The following FANCC variants were observed in gnomAD, a reference collection of about 807,000 sequenced individuals.
The protein encoded by FANCC is Fanconi anemia group C protein.
In FANCC, 55 loss-of-function variants were observed where a neutral mutation model predicts 71.3. That is an observed-to-expected ratio of 0.77 (90% CI 0.62 to 0.97). The LOEUF is 0.97. FANCC is among the 50% of genes least tolerant of loss of function. The pLI is 0.00. For synonymous variants in FANCC, 275 were observed against 244.9 expected (o/e 1.12, Z -1.15); for missense variants, 678 against 670.9 (o/e 1.01, Z -0.12).
At chr9:95,197,254 T>C (rs948914902) in intron 4 of FANCC, among the ~76,000 whole-genome samples, 4 of 152,104 alleles carry the variant, frequency 2.6e-5, no homozygotes, top group Admixed American at 6.6e-5. Flanking sequence ...AAGCCAACTA[T>C]AGCCAAGTGC....
At chr9:95,183,817 C>G (rs1034640106) in intron 4 of FANCC, among the ~76,000 whole-genome samples, 2 of 152,156 alleles carry the variant, frequency 1.3e-5, no homozygotes, top group African/African-American at 4.8e-5. Context: ...GAAATTCAAC[C>G]TCAGCTGTAT....
Position 95,101,537 on chromosome 9 carries a change from G to C in FANCC, c.*170C>G. Reference sequence around the variant, plus strand: ...AGTCTGGGCTGAGGGACCTGGCTCTGCATTTTGTAAAATAGATACTAGCAG... The same window carrying C: ...AGTCTGGGCTGAGGGACCTGGCTCTCCATTTTGTAAAATAGATACTAGCAG... On this transcript the variant is annotated 3_prime_UTR_variant, in exon 15 of 15. Transcript: ENST00000289081. 3 of 815,342 alleles carry C rather than the reference G, an allele frequency of 3.7e-6. No individual in the cohort carries two copies. Among genetic ancestry groups the C allele is most frequent in the Admixed American group, 2.2e-5 (1 of 45,278 alleles). The allele number at this position is 815,342 out of a possible 1,614,324, so 50.5% of individuals were successfully genotyped here.
At chr9:95,194,566 T>G (rs1379995217) in intron 4 of FANCC, among the ~76,000 whole-genome samples, 1 of 152,214 alleles carries the variant, frequency 6.6e-6, no homozygotes, top group Non-Finnish European at 1.5e-5. Context: ...GATAGCCCAC[T>G]GTGGTTTTAT....
At chr9:95,278,829 A>G (rs2136251981) in intron 1 of FANCC, among the ~76,000 whole-genome samples, 1 of 62,032 alleles carries the variant, frequency 1.6e-5, no homozygotes, top group African/African-American at 6.0e-5. Flanking sequence ...AGCCACTAAA[A>G]AAAAAAAATT....
At chr9:95,106,122 C>T (rs746450613) in intron 14 of FANCC, among the ~76,000 whole-genome samples, 5 of 152,190 alleles carry the variant, frequency 3.3e-5, no homozygotes, top group Non-Finnish European at 5.9e-5. Context: ...CGCATCCTCA[C>T]GGGCGTTTCT....
intron 1 of FANCC, chr9:95,293,409 T>A (rs1475291380): frequency 1.5e-5 from 24 of 1,577,860 alleles, no homozygotes; most frequent in Non-Finnish European, 2.1e-5. Flanking sequence ...CGGCCTAGAT[T>A]CAGAGGCTTG....
intron 4 of FANCC, among the ~76,000 whole-genome samples, chr9:95,175,012 C>CT (rs1281176483): frequency 6.6e-6 from 1 of 152,124 alleles, no homozygotes; most frequent in Admixed American, 6.5e-5. Flanking sequence ...CAGAAGAAGC[C>CT]TTCTATGCCC....
intron 5 of FANCC, among the ~76,000 whole-genome samples, 161 bp downstream of exon 5, chr9:95,171,876 T>C (rs1283936071): frequency 6.6e-6 from 1 of 152,216 alleles, no homozygotes; most frequent in Non-Finnish European, 1.5e-5. Context: ...CCATCTCACA[T>C]TTCTTCCGTA....
Position 95,185,770 on chromosome 9 carries a change from C to T in FANCC, c.346-13623G>A, listed in dbSNP as rs1156675449. Among the ~76,000 whole-genome samples, 5 of 152,164 alleles carry T rather than the reference C, an allele frequency of 3.3e-5. No homozygotes were observed. The East Asian group carries it at 9.6e-4, about 29-fold the overall frequency. On this transcript the variant is annotated intron_variant, in intron 4 of 14. Transcript: ENST00000289081. ...CAAAGTATAATTCAGCGAACAATTC[C>T]CATCTGCAGGAAAACTAACCATATA...
At chr9:95,253,232 G>A (rs1831461858) in intron 1 of FANCC, among the ~76,000 whole-genome samples, 1 of 152,188 alleles carries the variant, frequency 6.6e-6, no homozygotes. Context: ...GATGACCAGG[G>A]AGTGTGGGTG....
intron 1 of FANCC, among the ~76,000 whole-genome samples, chr9:95,306,660 T>A (rs1835084293): frequency 6.6e-6 from 1 of 152,190 alleles, no homozygotes; most frequent in Non-Finnish European, 1.5e-5. Flanking sequence ...TCAGTTGGGT[T>A]TGGGTAACCA....
chr9:95,201,982 T>C (rs766792314), intron 4 of FANCC, among the ~76,000 whole-genome samples: 10 of 152,212 alleles, frequency 6.6e-5, no homozygotes, highest in Non-Finnish European at 1.2e-4. Context: ...ATTTGCAGCT[T>C]TAACCCATTT....
intron 13 of FANCC, among the ~76,000 whole-genome samples, chr9:95,108,114 C>T (rs892771902): frequency 2.0e-5 from 3 of 152,178 alleles, no homozygotes; most frequent in African/African-American, 4.8e-5. Flanking sequence ...TTCCCATGAC[C>T]GATTTTATGG....
At position 95,189,833 on chromosome 9, in the gene FANCC, T is replaced by G. The variant is rs556781746; in HGVS notation, c.346-17686A>C. On this transcript the variant is annotated intron_variant, in intron 4 of 14. Transcript: ENST00000289081. ...AACCTTGGCCCTTGTGAATCCATGC[T>G]GCAGCTTTTCTTCCTGGTGCCCACA... Among the ~76,000 whole-genome samples the G allele has an allele frequency of 4.6e-5, 7 of 152,346 alleles. No homozygotes were observed. The East Asian group carries it at 9.6e-4, about 21-fold the overall frequency.
chr9:95,233,615 A>C (rs1205932375), intron 4 of FANCC, among the ~76,000 whole-genome samples: 1 of 152,198 alleles, frequency 6.6e-6, no homozygotes, highest in Non-Finnish European at 1.5e-5. Context: ...CCTTCATGAT[A>C]TGTGGATGCA....
At chr9:95,241,142 T>C (rs545542471) in intron 3 of FANCC, among the ~76,000 whole-genome samples, 1 of 152,336 alleles carries the variant, frequency 6.6e-6, no homozygotes, top group African/African-American at 2.4e-5. Flanking sequence ...ACATTTCAAA[T>C]GGTTAGTAAT....
intron 7 of FANCC, among the ~76,000 whole-genome samples, chr9:95,136,000 T>C (rs1440359240): frequency 1.3e-5 from 2 of 152,234 alleles, no homozygotes; most frequent in Non-Finnish European, 2.9e-5. Context: ...AGTGTTCTTG[T>C]AATGCAACAA....
intron 1 of FANCC, among the ~76,000 whole-genome samples, chr9:95,314,021 A>G (rs1345259578): frequency 1.3e-5 from 2 of 152,258 alleles, no homozygotes; most frequent in East Asian, 1.9e-4. Flanking sequence ...AAGATGAGAA[A>G]TAAGTCAATA....
chr9:95,110,308 C>T (rs1292843520), intron 13 of FANCC: 9 of 1,014,824 alleles, frequency 8.9e-6, no homozygotes, highest in Non-Finnish European at 1.1e-5. Context: ...TGGAATTGAA[C>T]ACATATCTAC....
Sources: allele counts gnomAD v4.1 joint callset (sites outside exome capture counted in the v4.1 genomes callset), GRCh38; gene constraint gnomAD v4.1.1; transcripts MANE v1.5; gene names NCBI Gene and HGNC (gene_info 2026-07-23, HGNC 2026-07-21).